The following ADCY1 variants were observed in gnomAD, a reference collection of about 807,000 sequenced individuals.
The protein encoded by ADCY1 is adenylate cyclase type 1.
ADCY1 carries 28 observed loss-of-function variants against 105.4 expected under a neutral mutation model. That is an observed-to-expected ratio of 0.27 (90% CI 0.20 to 0.36). The LOEUF is 0.36. ADCY1 is among the 10% of genes least tolerant of loss of function. The pLI is 1.00. For missense variants in ADCY1, 977 were observed against 1,434.2 expected, an observed-to-expected ratio of 0.68 and a Z score of 5.15; for synonymous variants, 655 against 623.8, an observed-to-expected ratio of 1.05 and a Z score of -0.75.
At chr7:45,684,745 A>G (rs1011420380) in intron 11 of ADCY1, 17 of 415,324 alleles carry the variant, frequency 4.1e-5, no homozygotes, top group Non-Finnish European at 6.5e-5. Flanking sequence ...GAAGGGAAGT[A>G]TTATTCTTTG....
At chr7:45,595,327 G>T (rs2115791726) in intron 2 of ADCY1, among the ~76,000 whole-genome samples, 1 of 152,284 alleles carries the variant, frequency 6.6e-6, no homozygotes, top group Non-Finnish European at 1.5e-5. Flanking sequence ...GGGCCCAGGG[G>T]GGTTGGGGTT....
At chr7:45,661,396 C>T (rs971394536) in intron 7 of ADCY1, among the ~76,000 whole-genome samples, 4 of 151,988 alleles carry the variant, frequency 2.6e-5, no homozygotes, top group African/African-American at 4.8e-5. Flanking sequence ...TACCGCATTC[C>T]TGGAGAGGAG....
chr7:45,586,920 GC>G (rs138266529), intron 1 of ADCY1, among the ~76,000 whole-genome samples: 86 of 152,318 alleles, frequency 5.6e-4, no homozygotes, highest in Non-Finnish European at 9.7e-4. Context: ...CCTCCAGCAG[GC>G]CCCCCGACCT....
At chr7:45,576,211 A>G (rs1792340864) in intron 1 of ADCY1, among the ~76,000 whole-genome samples, 1 of 152,136 alleles carries the variant, frequency 6.6e-6, no homozygotes, top group Non-Finnish European at 1.5e-5. Context: ...GTCGGAGGGG[A>G]AGCTGAATCC....
chr7:45,579,952 C>A (rs558892121), intron 1 of ADCY1, among the ~76,000 whole-genome samples: 1 of 149,162 alleles, frequency 6.7e-6, no homozygotes, highest in Non-Finnish European at 1.5e-5. Flanking sequence ...CCGTCCCCCC[C>A]TTCCCCCTTC....
At chr7:45,640,728 T>C (rs1008641147) in intron 4 of ADCY1, among the ~76,000 whole-genome samples, 1 of 152,264 alleles carries the variant, frequency 6.6e-6, no homozygotes, top group African/African-American at 2.4e-5. Context: ...ATGTTATCTT[T>C]ATTTTCTATA....
chr7:45,617,418 G>C (rs2115902650), intron 3 of ADCY1, among the ~76,000 whole-genome samples: 1 of 152,334 alleles, frequency 6.6e-6, no homozygotes, highest in Non-Finnish European at 1.5e-5. Context: ...AGGGTCAGCT[G>C]TGATAGGTGG....
At chr7:45,589,410 A>G (rs1488014392) in intron 1 of ADCY1, among the ~76,000 whole-genome samples, 1 of 152,180 alleles carries the variant, frequency 6.6e-6, no homozygotes, top group Non-Finnish European at 1.5e-5. Flanking sequence ...AGGCCCCTGC[A>G]GCCCTCATCT....
intron 1 of ADCY1, among the ~76,000 whole-genome samples, chr7:45,582,328 C>G (rs1792575753): frequency 6.6e-6 from 1 of 152,152 alleles, no homozygotes. Flanking sequence ...CCTGCACCTC[C>G]AGCTCCGTGA....
chr7:45,659,906 A>T, intron 6 of ADCY1, 136 bp from the exon 7 acceptor site: 1 of 1,099,718 alleles, frequency 9.1e-7, no homozygotes, highest in Non-Finnish European at 1.3e-6. Context: ...CTTGCATGGG[A>T]GCATGAATAC....
At chr7:45,704,486 T>C (rs1188302096) in intron 16 of ADCY1, 32 bp from the exon 17 acceptor site, 5 of 1,594,960 alleles carry the variant, frequency 3.1e-6, no homozygotes, top group Non-Finnish European at 4.3e-6. Flanking sequence ...AAATGTTATG[T>C]CATGTTTAAC....
At chr7:45,699,013 C>G (rs1007576117) in intron 14 of ADCY1, among the ~76,000 whole-genome samples, 9 of 152,194 alleles carry the variant, frequency 5.9e-5, no homozygotes, top group Admixed American at 1.3e-4. Context: ...AGCATACAGC[C>G]AGCTGAGTAC....
intron 12 of ADCY1, 128 bp downstream of exon 12, chr7:45,685,196 G>A (rs1399741377): frequency 1.2e-6 from 1 of 858,176 alleles, no homozygotes; most frequent in Non-Finnish European, 1.9e-6. Flanking sequence ...ACAGGCATGG[G>A]GCCCCAAGGA....
intron 14 of ADCY1, among the ~76,000 whole-genome samples, chr7:45,702,653 T>A (rs1219061217): frequency 6.6e-6 from 1 of 152,192 alleles, no homozygotes; most frequent in Non-Finnish European, 1.5e-5. Flanking sequence ...CTCACAGTGG[T>A]CTGTGAATGA....
intron 5 of ADCY1, among the ~76,000 whole-genome samples, chr7:45,649,574 G>A (rs1404605759): frequency 6.6e-6 from 1 of 152,234 alleles, no homozygotes; most frequent in Non-Finnish European, 1.5e-5. Context: ...GTGAAAGGAT[G>A]CACAGGCAAA....
chr7:45,613,579 T>C (rs1305463053), intron 3 of ADCY1, among the ~76,000 whole-genome samples: 4 of 152,040 alleles, frequency 2.6e-5, no homozygotes, highest in African/African-American at 9.7e-5. Context: ...ATATATGATG[T>C]AAAAATATAT....
chr7:45,693,030 A>G (rs1784812263), intron 14 of ADCY1, among the ~76,000 whole-genome samples: 2 of 152,242 alleles, frequency 1.3e-5, no homozygotes, highest in South Asian at 4.1e-4. Context: ...AAATACATAA[A>G]GTAAAAATTG....
intron 4 of ADCY1, among the ~76,000 whole-genome samples, chr7:45,646,646 A>G (rs1794672430): frequency 6.6e-6 from 1 of 152,100 alleles, no homozygotes; most frequent in South Asian, 2.1e-4. Flanking sequence ...GGTGGAGTGG[A>G]CCTACCTACC....
At chr7:45,635,268 C>T (rs533838986) in intron 4 of ADCY1, among the ~76,000 whole-genome samples, 4 of 151,236 alleles carry the variant, frequency 2.6e-5, no homozygotes, top group African/African-American at 7.3e-5. Context: ...TTTGTCTTCT[C>T]TTTGATCATT....
Sources: gnomAD v4.1 joint callset for allele counts (sites outside exome capture counted in the v4.1 genomes callset) on GRCh38, gnomAD v4.1.1 for gene constraint, MANE v1.5 for transcripts, NCBI Gene and HGNC (gene_info 2026-07-23, HGNC 2026-07-21) for gene names.